ZFPM1: variants seen among roughly 807,000 people sequenced by gnomAD.
ZFPM1 encodes zinc finger protein, FOG family member 1.
In ZFPM1, 28 loss-of-function variants were observed where a neutral mutation model predicts 46.3. That is an observed-to-expected ratio of 0.60 (90% CI 0.45 to 0.83). ZFPM1 has a LOEUF of 0.83. Ranked by LOEUF, ZFPM1 falls within the 40% of genes least tolerant of loss-of-function variation. The pLI is 0.00. For missense variants in ZFPM1, 1,878 were observed against 1,432.4 expected, an observed-to-expected ratio of 1.31 and a Z score of -5.02; for synonymous variants, 957 against 675.9, an observed-to-expected ratio of 1.42 and a Z score of -6.45.
intron 1 of ZFPM1, among the ~76,000 whole-genome samples, chr16:88,470,084 A>T (rs1032095700): frequency 1.3e-5 from 2 of 152,088 alleles, no homozygotes; most frequent in African/African-American, 4.8e-5. Flanking sequence ...CAAAGCAAGC[A>T]GAAGGAAAAA....
chr16:88,509,544 G>A (rs1025879551), intron 3 of ZFPM1, among the ~76,000 whole-genome samples: 18 of 152,254 alleles, frequency 1.2e-4, no homozygotes, highest in African/African-American at 2.9e-4. Context: ...ACAGGGTGAC[G>A]CCTTCACCTG....
At chr16:88,531,600 C>A (rs1912788594) in intron 6 of ZFPM1, among the ~76,000 whole-genome samples, 1 of 152,228 alleles carries the variant, frequency 6.6e-6, no homozygotes, top group African/African-American at 2.4e-5. Context: ...CCTGCACGCA[C>A]ATCTGTACAC....
At position 88,497,336 on chromosome 16, in the gene ZFPM1, A is replaced by T. The variant is rs1173812085; in HGVS notation, c.268+8183A>T. Reference sequence around the variant, plus strand: ...AGAGTGGGGTCGGGTGTGCACAAGGAGCTGGCTCAGGGCCTGAGTTTCAAG... The same window carrying T: ...AGAGTGGGGTCGGGTGTGCACAAGGTGCTGGCTCAGGGCCTGAGTTTCAAG... On this transcript the variant is annotated intron_variant, in intron 3 of 9. Transcript: ENST00000319555. The surrounding 1 kb of genome is among the most constrained non-coding windows in gnomAD (Gnocchi z 5.4). Among the ~76,000 whole-genome samples, 1 of 151,552 alleles carries T rather than the reference A, an allele frequency of 6.6e-6. No individual in the cohort carries two copies. Among genetic ancestry groups the T allele is most frequent in the Admixed American group, 6.6e-5 (1 of 15,252 alleles).
chr16:88,486,843 C>A (rs1909260885), intron 2 of ZFPM1, among the ~76,000 whole-genome samples: 1 of 151,460 alleles, frequency 6.6e-6, no homozygotes, highest in South Asian at 2.1e-4. Context: ...ACAGTGGATG[C>A]TGGGTGCAAG....
intron 2 of ZFPM1, among the ~76,000 whole-genome samples, chr16:88,488,200 G>A (rs375849051): frequency 1.2e-4 from 19 of 152,216 alleles, no homozygotes; most frequent in East Asian, 1.9e-4. Context: ...TGGAGGGGCC[G>A]CAGCAAAGGG....
intron 1 of ZFPM1, among the ~76,000 whole-genome samples, chr16:88,464,325 G>A (rs182805641): frequency 2.4e-3 from 363 of 152,312 alleles, no homozygotes; most frequent in African/African-American, 8.2e-3. Flanking sequence ...GATAGTTCCC[G>A]ACTCCAGGCC....
Position 88,528,110 on chromosome 16 carries a change from A to G in ZFPM1, c.584A>G (p.His195Arg). 6.3e-7 allele frequency: 1 copy of G among 1,586,466 alleles called. No individual in the cohort carries two copies. Among genetic ancestry groups the G allele is most frequent in the East Asian group, 2.3e-5 (1 of 43,496 alleles). The change falls in exon 6 of 10, where the codon CAC (histidine) becomes CGC (arginine). Residue 195 changes from histidine to arginine, a missense_variant. Coordinates refer to ENST00000319555, the MANE Select transcript of ZFPM1 (RefSeq NM_153813.3). Reference protein sequence around the residue: ...LLSVLLTAEPHSTPGHPVKKE... With the variant: ...LLSVLLTAEPRSTPGHPVKKE... ...AGCGTGCTCCTCACGGCCGAGCCCC[A>G]CAGCACCCCCGGCCACCCTGTGAAG...
Position 88,536,329 on chromosome 16 carries a change from A to C in ZFPM1, c.*1350A>C, listed in dbSNP as rs886064019. ...TGGGACTACAGGCTTGACCCACCACACCTGGCTAACTTTTAAAACATTTTT... is the reference window on the plus strand; with the variant it reads ...TGGGACTACAGGCTTGACCCACCACCCCTGGCTAACTTTTAAAACATTTTT... On this transcript the variant is annotated 3_prime_UTR_variant, in exon 10 of 10. Transcript: ENST00000319555. 6.6e-6 allele frequency: 1 copy of C among 151,948 alleles called. No individual in the cohort carries two copies. The highest frequency in any genetic ancestry group is 2.1e-4 in the South Asian group (1 of 4,812). 9.4% of individuals were successfully genotyped at this position (151,948 alleles called of 1,614,324 possible). A position where few individuals can be genotyped will look rare whatever the true frequency, so the allele number is the denominator to read the frequency against.
intron 1 of ZFPM1, among the ~76,000 whole-genome samples, chr16:88,457,811 G>C (rs1907623690): frequency 6.6e-6 from 1 of 152,054 alleles, no homozygotes; most frequent in Admixed American, 6.5e-5. Context: ...TTTAGCAGAG[G>C]GAATTAGAGA....
At chr16:88,492,734 C>A (rs1567537235) in intron 3 of ZFPM1, among the ~76,000 whole-genome samples, 1 of 152,190 alleles carries the variant, frequency 6.6e-6, no homozygotes, top group African/African-American at 2.4e-5. Flanking sequence ...CCCAACAGCT[C>A]CACCATGGGT....
At chr16:88,455,700 G>T (rs1187743129) in intron 1 of ZFPM1, among the ~76,000 whole-genome samples, 1 of 152,132 alleles carries the variant, frequency 6.6e-6, no homozygotes, top group Non-Finnish European at 1.5e-5. Context: ...TCCGTGCGGA[G>T]ATAGATGTGC....
intron 1 of ZFPM1, among the ~76,000 whole-genome samples, chr16:88,484,422 C>T (rs936121133): frequency 6.6e-6 from 1 of 152,244 alleles, no homozygotes; most frequent in African/African-American, 2.4e-5. Context: ...GCCCCACCCC[C>T]ACTCTGCCCC....
At chr16:88,532,285 A>G (rs1597289294) in intron 7 of ZFPM1, 50 bp downstream of exon 7, 1 of 1,511,518 alleles carries the variant, frequency 6.6e-7, no homozygotes, top group East Asian at 2.4e-5. Flanking sequence ...CTGCTTCCCC[A>G]CCCAGTCCCG....
At chr16:88,455,956 C>A (rs888408994) in intron 1 of ZFPM1, among the ~76,000 whole-genome samples, 2 of 152,192 alleles carry the variant, frequency 1.3e-5, no homozygotes, top group Non-Finnish European at 2.9e-5. Flanking sequence ...CCTGGCCGGT[C>A]GGCCCGATGG....
At chr16:88,499,319 G>T (rs530187501) in intron 3 of ZFPM1, among the ~76,000 whole-genome samples, 3 of 152,254 alleles carry the variant, frequency 2.0e-5, no homozygotes, top group Non-Finnish European at 4.4e-5. Context: ...CACAAGCTAT[G>T]TGCCAGCCCT....
chr16:88,494,192 G>A (rs949404302), intron 3 of ZFPM1, among the ~76,000 whole-genome samples: 5 of 152,124 alleles, frequency 3.3e-5, no homozygotes, highest in Non-Finnish European at 7.4e-5. Context: ...GTGCGGGCAG[G>A]TTCTACGGGG....
At chr16:88,496,368 T>C (rs1259864524) in intron 3 of ZFPM1, among the ~76,000 whole-genome samples, 2 of 151,330 alleles carry the variant, frequency 1.3e-5, no homozygotes, top group South Asian at 2.1e-4. Flanking sequence ...TGGGGCTGGG[T>C]TGGTGCTTGG....
intron 3 of ZFPM1, among the ~76,000 whole-genome samples, chr16:88,513,464 C>T (rs1233019828): frequency 2.6e-5 from 4 of 152,246 alleles, no homozygotes; most frequent in African/African-American, 9.6e-5. Context: ...CACAGCACTG[C>T]GGCCAGGGGA....
At chr16:88,522,610 C>T (rs971690718) in intron 4 of ZFPM1, among the ~76,000 whole-genome samples, 41 of 152,234 alleles carry the variant, frequency 2.7e-4, no homozygotes, top group African/African-American at 9.4e-4. Context: ...CGATGGCTAT[C>T]GGTGCCACCG....
Sources: gnomAD v4.1 joint callset for allele counts (sites outside exome capture counted in the v4.1 genomes callset) on GRCh38, gnomAD v4.1.1 for gene constraint, Gnocchi (gnomAD v3.1) non-coding constraint, MANE v1.5 for transcripts, NCBI Gene and HGNC (gene_info 2026-07-23, HGNC 2026-07-21) for gene names.